Variants in BCL2L1 observed in about 807,000 individuals in gnomAD.
BCL2L1 encodes the protein bcl-2-like protein 1.
A neutral mutation model predicts 18.7 loss-of-function variants in BCL2L1; 1 was observed. That is an observed-to-expected ratio of 0.05 (90% CI 0.02 to 0.25). The LOEUF (loss-of-function observed/expected upper bound fraction) is 0.25, where lower values mean the gene tolerates loss of function less well. Among genes scored for constraint, BCL2L1 ranks in the 10% least tolerant of loss-of-function variants. The pLI is 1.00. For synonymous variants in BCL2L1, 103 were observed against 122.7 expected, an observed-to-expected ratio of 0.84 and a Z score of 1.06; for missense variants, 207 against 304.9, an observed-to-expected ratio of 0.68 and a Z score of 2.39.
intron 2 of BCL2L1, among the ~76,000 whole-genome samples, chr20:31,683,384 C>T (rs1040820058): frequency 6.6e-6 from 1 of 152,162 alleles, no homozygotes; most frequent in African/African-American, 2.4e-5. Flanking sequence ...CCTCAGAGGC[C>T]TTCCTTAATT....
At chr20:31,707,766 G>A (rs528377633) in intron 2 of BCL2L1, among the ~76,000 whole-genome samples, 67 of 132,862 alleles carry the variant, frequency 5.0e-4, no homozygotes, top group Middle Eastern at 5.0e-3. Context: ...CAACAAGAGC[G>A]AAACTCTGTC....
chr20:31,697,556 G>C (rs1234501294), intron 2 of BCL2L1, among the ~76,000 whole-genome samples: 1 of 151,648 alleles, frequency 6.6e-6, no homozygotes, highest in Non-Finnish European at 1.5e-5. Context: ...TCCTGCCTTA[G>C]CCTCCCAAGT....
chr20:31,677,613 G>C (rs2060784828), intron 2 of BCL2L1, among the ~76,000 whole-genome samples: 1 of 152,208 alleles, frequency 6.6e-6, no homozygotes, highest in South Asian at 2.1e-4. Flanking sequence ...AGTAGACCAT[G>C]GCTCAGCTTG....
At chr20:31,719,419 G>A (rs34840692) in intron 2 of BCL2L1, among the ~76,000 whole-genome samples, 1 of 152,096 alleles carries the variant, frequency 6.6e-6, no homozygotes, top group African/African-American at 2.4e-5. Context: ...GTGCAGCTTG[G>A]AACAGGATAA....
chr20:31,674,356 C>T (rs6060627), intron 2 of BCL2L1, among the ~76,000 whole-genome samples: 61,030 of 152,024 alleles, frequency 0.4, 15,399 homozygotes, highest in African/African-American at 0.71. Context: ...CACAGATGAT[C>T]TGTGAATTGC....
intron 2 of BCL2L1, among the ~76,000 whole-genome samples, chr20:31,673,512 G>A (rs2060708182): frequency 6.6e-6 from 1 of 151,290 alleles, no homozygotes; most frequent in South Asian, 2.1e-4. Flanking sequence ...AAAATTAGCT[G>A]GGTGTGGTGG....
intron 2 of BCL2L1, among the ~76,000 whole-genome samples, chr20:31,712,213 T>C (rs1203538445): frequency 6.6e-6 from 1 of 152,196 alleles, no homozygotes; most frequent in Non-Finnish European, 1.5e-5. Context: ...AGCAGTCACC[T>C]AGACAATAGC....
upstream of BCL2L1, chr20:31,723,706 G>A: frequency 1.0e-6 from 1 of 985,512 alleles, no homozygotes; most frequent in Non-Finnish European, 1.2e-6. Context: ...CGCAACGGCT[G>A]TCACGCACAG....
At position 31,720,877 on chromosome 20, in the gene BCL2L1, C is replaced by G. The variant is rs562533956; in HGVS notation, c.564+778G>C. 4.8e-5 allele frequency: 47 copies of G among 985,258 alleles called. No individual in the cohort carries two copies. The South Asian group carries it at 6.1e-4, about 13-fold the overall frequency. 61.0% of individuals were successfully genotyped at this position (985,258 alleles called of 1,614,324 possible). ...CTTGAAGAGGCCCCTGGGCTCTGGC[C>G]GGAAAGTAACAGGCAGAGCAGCTGG... On this transcript the variant is annotated intron_variant, in intron 2 of 2. Coordinates refer to ENST00000307677, the MANE Select transcript of BCL2L1 (RefSeq NM_138578.3).
intron 2 of BCL2L1, among the ~76,000 whole-genome samples, chr20:31,704,657 T>C (rs1030546699): frequency 1.3e-5 from 2 of 152,126 alleles, no homozygotes; most frequent in Admixed American, 6.5e-5. Flanking sequence ...GGGAATCCCA[T>C]CTTGGAAAAC....
At chr20:31,721,503 T>A in intron 2 of BCL2L1, 152 bp downstream of exon 2, 1 of 886,720 alleles carries the variant, frequency 1.1e-6, no homozygotes, top group Non-Finnish European at 1.7e-6. Context: ...GGAGTTAACC[T>A]CTTGTGGTGA....
chr20:31,723,513 C>T (rs2061669732), upstream of BCL2L1: 1 of 985,338 alleles, frequency 1.0e-6, no homozygotes, highest in African/African-American at 1.7e-5. Flanking sequence ...CTAGCGGCTT[C>T]TCGAGCTCAC....
chr20:31,669,497 G>A (rs2060634370), intron 2 of BCL2L1, among the ~76,000 whole-genome samples: 1 of 148,912 alleles, frequency 6.7e-6, no homozygotes, highest in Non-Finnish European at 1.5e-5. Flanking sequence ...CTGTCACCTA[G>A]GCTGGAGTGC....
intron 2 of BCL2L1, among the ~76,000 whole-genome samples, chr20:31,717,011 G>GA (rs1470197184): frequency 1.3e-5 from 2 of 152,064 alleles, no homozygotes; most frequent in African/African-American, 4.8e-5. Flanking sequence ...CTCCTTCAAA[G>GA]AAAAAAGAGG....
Position 31,665,065 on chromosome 20 carries a change from C to T in BCL2L1, c.*884G>A, listed in dbSNP as rs184626287. Reference sequence around the variant, plus strand: ...GCTCCCTTTCACCTCAGGGCTGAGTCCCCTGAACCCACCATGAGGAGCAGC... The same window carrying T: ...GCTCCCTTTCACCTCAGGGCTGAGTTCCCTGAACCCACCATGAGGAGCAGC... On this transcript the variant is annotated 3_prime_UTR_variant, in exon 3 of 3. Transcript: ENST00000307677. 4 of 185,532 alleles carry T rather than the reference C, an allele frequency of 2.2e-5. No individual in the cohort carries two copies. Among genetic ancestry groups the T allele is most frequent in the East Asian group, 8.7e-5 (1 of 11,556 alleles). 11.5% of individuals were successfully genotyped at this position (185,532 alleles called of 1,614,324 possible).
chr20:31,714,651 G>A lies in BCL2L1; in HGVS notation c.564+7004C>T, dbSNP rs187444405. 2.0e-4 allele frequency among the ~76,000 whole-genome samples: 30 copies of A among 152,274 alleles called. No individual in the cohort carries two copies. The Middle Eastern group carries it at 0.014, about 69-fold the overall frequency. ...AAAAGGAGCTTGCATAGGTAGACACGGATGAGTTGGGAACTGAACTCAGAC... is the reference window on the plus strand; with the variant it reads ...AAAAGGAGCTTGCATAGGTAGACACAGATGAGTTGGGAACTGAACTCAGAC... On this transcript the variant is annotated intron_variant, in intron 2 of 2. Coordinates refer to ENST00000307677, the MANE Select transcript of BCL2L1 (RefSeq NM_138578.3).
At chr20:31,689,841 T>C (rs902087786) in intron 2 of BCL2L1, among the ~76,000 whole-genome samples, 9 of 152,024 alleles carry the variant, frequency 5.9e-5, no homozygotes, top group Non-Finnish European at 1.2e-4. Flanking sequence ...CATGGAGAAA[T>C]CCTGTCTCTG....
chr20:31,722,783 G>T lies in BCL2L1; in HGVS notation c.-296C>A, dbSNP rs947143259. On this transcript the variant is annotated 5_prime_UTR_variant, in exon 1 of 3. Coordinates refer to ENST00000307677, the MANE Select transcript of BCL2L1 (RefSeq NM_138578.3). ...CCGGAGGGATCATGCGACCCGGCAG[G>T]CTGGGAGCCCAGAAGGCGACACAGG... 1 of 152,376 alleles carries T rather than the reference G, an allele frequency of 6.6e-6. No individual in the cohort carries two copies. Among genetic ancestry groups the T allele is most frequent in the South Asian group, 2.1e-4 (1 of 4,828 alleles). The allele number at this position is 152,376 out of a possible 1,614,324, so 9.4% of individuals were successfully genotyped here. A position where few individuals can be genotyped will look rare whatever the true frequency, so the allele number is the denominator to read the frequency against.
intron 2 of BCL2L1, among the ~76,000 whole-genome samples, chr20:31,674,373 C>T (rs922185344): frequency 6.6e-6 from 1 of 152,132 alleles, no homozygotes; most frequent in Non-Finnish European, 1.5e-5. Context: ...TTGCTCAAGG[C>T]CATGTAGTGA....
Sources: allele counts gnomAD v4.1 joint callset (sites outside exome capture counted in the v4.1 genomes callset), GRCh38; gene constraint gnomAD v4.1.1; transcripts MANE v1.5; gene names NCBI Gene and HGNC (gene_info 2026-07-23, HGNC 2026-07-21).